The following HES4 variants were observed in gnomAD, a reference collection of about 807,000 sequenced individuals.
HES4 encodes the protein transcription factor HES-4.
In HES4, 17 loss-of-function variants were observed where a neutral mutation model predicts 10.7. The observed-to-expected ratio is 1.59, with a 90% CI of 1.09 to 2.38. HES4 has a LOEUF of 2.38. Ranked by LOEUF, HES4 falls within the 30% of genes most tolerant of loss-of-function variation. The probability of loss-of-function intolerance (pLI) is 0.00; values close to 1 mark genes in which losing one functional copy is unlikely to be tolerated. For missense variants in HES4, 389 were observed against 332.1 expected (o/e 1.17, Z -1.33); for synonymous variants, 189 against 159.7 (o/e 1.18, Z -1.38).
At position 999,993 on chromosome 1, in the gene HES4, C is replaced by A; in HGVS notation, c.-20G>T. The A allele has an allele frequency of 1.5e-6, 2 of 1,367,770 alleles. No homozygotes were observed. Among genetic ancestry groups the A allele is most frequent in the South Asian group, 1.7e-5 (1 of 59,204 alleles). 84.7% of individuals were successfully genotyped at this position (1,367,770 alleles called of 1,614,324 possible). On this transcript the variant is annotated 5_prime_UTR_variant, in exon 1 of 4. Coordinates refer to ENST00000304952, the MANE Select transcript of HES4 (RefSeq NM_021170.4). ...GGCCATGGTGCGCCCCGCGCCTCCC[C>A]GTGCCGGGTGGAGCGCGCCGCCACG...
chr1:1,000,045 G>C lies in HES4; in HGVS notation c.-72C>G. The C allele has an allele frequency of 3.4e-6, 4 of 1,173,072 alleles. No individual in the cohort carries two copies. Among genetic ancestry groups the C allele is most frequent in the Non-Finnish European group, 4.2e-6 (4 of 948,966 alleles). 72.7% of individuals were successfully genotyped at this position (1,173,072 alleles called of 1,614,324 possible). Reference sequence around the variant, plus strand: ...ACCACGGGCGGGCTGGCGGGCGAGCGGCGAGCGCGCGGCGATCCGAGCCCC... The same window carrying C: ...ACCACGGGCGGGCTGGCGGGCGAGCCGCGAGCGCGCGGCGATCCGAGCCCC... On this transcript the variant is annotated 5_prime_UTR_variant, in exon 1 of 4. Transcript: ENST00000304952.
At position 999,373 on chromosome 1, in the gene HES4, G is replaced by T; in HGVS notation, c.352C>A (p.Leu118Met). The T allele has an allele frequency of 6.7e-7, 1 of 1,500,430 alleles. No homozygotes were observed. Among genetic ancestry groups the T allele is most frequent in the Non-Finnish European group, 8.8e-7 (1 of 1,136,928 alleles). 92.9% of individuals were successfully genotyped at this position (1,500,430 alleles called of 1,614,324 possible). The change falls in exon 4 of 4, where the codon CTG (leucine) becomes ATG (methionine). Residue 118 changes from leucine (L) to methionine (M), a missense_variant. By Grantham distance (15) the Leu-to-Met change is conservative. Transcript: ENST00000304952. Reference protein sequence around the residue: ...GKYRAGFHECLAEVNRFLAGC... With the variant: ...GKYRAGFHECMAEVNRFLAGC... ...GCCAGGAAGCGGTTCACCTCCGCCA[G>T]ACACTCGTGGAAGCCGGCGCGGTAC...
chr1:999,275 C>T lies in HES4; in HGVS notation c.450G>A (p.Leu150=). 1 of 1,451,558 alleles carries T rather than the reference C, an allele frequency of 6.9e-7. No individual in the cohort carries two copies. The highest frequency in any genetic ancestry group is 1.5e-5 in the African/African-American group (1 of 67,892). 89.9% of individuals were successfully genotyped at this position (1,451,558 alleles called of 1,614,324 possible). The change falls in exon 4 of 4, where the codon CTG becomes CTA. Residue 150 remains leucine (L), a synonymous_variant. Transcript: ENST00000304952. The stretch of plus-strand genomic sequence containing the variant: ...GCGAGGCCGGGCGGCGGGAGGGTCC[C>T]AGCTGGCGCAGGCAGGCTGCCAGGT... ...LGHLAACLRQ[L]GPSRRPASLS...
chr1:999,144 A>G lies in HES4; in HGVS notation c.581T>C (p.Leu194Pro). 8.1e-7 allele frequency: 1 copy of G among 1,230,194 alleles called. No individual in the cohort carries two copies. Among genetic ancestry groups the G allele is most frequent in the East Asian group, 3.3e-5 (1 of 29,984 alleles). The allele number at this position is 1,230,194 out of a possible 1,614,324, so 76.2% of individuals were successfully genotyped here. A position where few individuals can be genotyped will look rare whatever the true frequency, so the allele number is the denominator to read the frequency against. Residue 194 changes from leucine (L) to proline (P), a missense_variant, in exon 4 of 4, where the codon CTG becomes CCG. Coordinates refer to ENST00000304952, the MANE Select transcript of HES4 (RefSeq NM_021170.4). ...GGGCAGCGCCCGGGTCAGACCCGGC[A>G]GCAGCGGCGGCGCGAGCAGAGGGAA... is the stretch of plus-strand genomic sequence containing the variant. ...GPFPLLAPPL[L>P]PGLTRALPAA...
intron 3 of HES4, 41 bp downstream of exon 3, chr1:999,485 G>C: frequency 6.4e-7 from 1 of 1,559,080 alleles, no homozygotes; most frequent in East Asian, 2.4e-5. Context: ...GGGGTCCCGC[G>C]CCCTCCCCCC....
At chr1:999,825 C>A in intron 1 of HES4, 38 bp from the exon 2 acceptor site, 1 of 1,603,360 alleles carries the variant, frequency 6.2e-7, no homozygotes, top group South Asian at 1.1e-5. Context: ...GCGTCCCTCC[C>A]GCCCCCCGGT....
Position 999,763 on chromosome 1 carries a change from G to C in HES4, c.133C>G (p.Arg45Gly), listed in dbSNP as rs766490059. 6.2e-7 allele frequency: 1 copy of C among 1,611,976 alleles called. No homozygotes were observed. The highest frequency in any genetic ancestry group is 1.7e-5 in the Admixed American group (1 of 59,962). ...RKSSKPVMEK[R>G]RRARINESLA... Reference sequence around the variant, plus strand: ...CTCTCGTTAATACGCGCTCGGCGCCGCTTCTCCATGACCGGCTTGGAGGAC... The same window carrying C: ...CTCTCGTTAATACGCGCTCGGCGCCCCTTCTCCATGACCGGCTTGGAGGAC... Residue 45 changes from arginine to glycine, a missense_variant, in exon 2 of 4, where the codon CGG becomes GGG. Transcript: ENST00000304952.
chr1:999,615 TG>T lies in HES4; in HGVS notation c.205-3del, dbSNP rs775175678. On this transcript the variant is annotated splice_region_variant and splice_polypyrimidine_tract_variant and intron_variant, in intron 2 of 3. Transcript: ENST00000304952. ...CTCCAGCTTCGAGTGGCGGGAGCTC[TG>T]GGGGCGGGGATAGGCGGGAGGTCCA... The T allele has an allele frequency of 3.8e-5, 61 of 1,606,788 alleles. No individual in the cohort carries two copies. The highest frequency in any genetic ancestry group is 3.3e-4 in the Middle Eastern group (2 of 6,036).
In HES4 at chr1:1,000,006, G is replaced by A. The variant is rs754902779; in HGVS notation, c.-33C>T. The A allele has an allele frequency of 5.7e-5, 76 of 1,338,826 alleles. 1 individual carries two copies. The South Asian group carries it at 1.4e-3, about 24-fold the overall frequency. 82.9% of individuals were successfully genotyped at this position (1,338,826 alleles called of 1,614,324 possible). A position where few individuals can be genotyped will look rare whatever the true frequency, so the allele number is the denominator to read the frequency against. On this transcript the variant is annotated 5_prime_UTR_variant, in exon 1 of 4. Coordinates refer to ENST00000304952, the MANE Select transcript of HES4 (RefSeq NM_021170.4). ...CCCGCGCCTCCCCGTGCCGGGTGGA[G>A]CGCGCCGCCACGGACCACGGGCGGG...
chr1:1,000,002 T>G lies in HES4; in HGVS notation c.-29A>C, dbSNP rs1475517466. ...GCGCCCCGCGCCTCCCCGTGCCGGG[T>G]GGAGCGCGCCGCCACGGACCACGGG... On this transcript the variant is annotated 5_prime_UTR_variant, in exon 1 of 4. Transcript: ENST00000304952. The G allele has an allele frequency of 2.7e-5, 37 of 1,345,966 alleles. No individual in the cohort carries two copies. Among genetic ancestry groups the G allele is most frequent in the South Asian group, 3.6e-5 (2 of 55,256 alleles). 83.4% of individuals were successfully genotyped at this position (1,345,966 alleles called of 1,614,324 possible).
Position 998,976 on chromosome 1 carries a change from T to TA in HES4, c.*82dup, listed in dbSNP as rs1409963751. 8.7e-7 allele frequency: 1 copy of TA among 1,149,004 alleles called. No homozygotes were observed. The highest frequency in any genetic ancestry group is 1.1e-6 in the Non-Finnish European group (1 of 902,178). 71.2% of individuals were successfully genotyped at this position (1,149,004 alleles called of 1,614,324 possible). A position where few individuals can be genotyped will look rare whatever the true frequency, so the allele number is the denominator to read the frequency against. On this transcript the variant is annotated 3_prime_UTR_variant, in exon 4 of 4. Transcript: ENST00000304952. ...GTGACGCAGACTCTGGAATAATAAATACGTTTTCTCTGCTACAGTCTCGGC... is the reference window on the plus strand; with the variant it reads ...GTGACGCAGACTCTGGAATAATAAATAACGTTTTCTCTGCTACAGTCTCGGC...
chr1:999,552 C>T lies in HES4; in HGVS notation c.266G>A (p.Arg89Gln), dbSNP rs1187967041. 13 of 1,605,374 alleles carry T rather than the reference C, an allele frequency of 8.1e-6. No homozygotes were observed. The highest frequency in any genetic ancestry group is 1.1e-5 in the South Asian group (1 of 90,138). ...CGTCACCTGCACGCGACGCAGGCTC[C>T]GCAGGTGTCTCACGGTCATCTCCAG... The part of the protein sequence containing the change: ...DILEMTVRHL[R>Q]SLRRVQVTAA... Residue 89 changes from arginine (R) to glutamine (Q), a missense_variant, in exon 3 of 4, where the codon CGG becomes CAG. Transcript: ENST00000304952.
chr1:999,341 G>T lies in HES4; in HGVS notation c.384C>A (p.Cys128Ter), dbSNP rs767592174. ...LAEVNRFLAGCEGVPADVRSR... is the reference protein window; with the variant it reads ...LAEVNRFLAG The stretch of plus-strand genomic sequence containing the variant: ...AGCGCACGTCGGCCGGGACGCCCTC[G>T]CAGCCGGCCAGGAAGCGGTTCACCT... The change falls in exon 4 of 4, where the codon TGC becomes TGA. Residue 128 changes from cysteine (C) to a stop codon, truncating the protein, a stop_gained. Coordinates refer to ENST00000304952, the MANE Select transcript of HES4 (RefSeq NM_021170.4). LOFTEE classifies it low-confidence loss of function (END_TRUNC). 5 of 1,482,636 alleles carry T rather than the reference G, an allele frequency of 3.4e-6. No homozygotes were observed. Among genetic ancestry groups the T allele is most frequent in the Admixed American group, 2.4e-5 (1 of 41,108 alleles). The allele number at this position is 1,482,636 out of a possible 1,614,324, so 91.8% of individuals were successfully genotyped here. A position where few individuals can be genotyped will look rare whatever the true frequency, so the allele number is the denominator to read the frequency against.
At position 999,141 on chromosome 1, in the gene HES4, G is replaced by A. The variant is rs781644697; in HGVS notation, c.584C>T (p.Pro195Leu). ...PFPLLAPPLLPGLTRALPAAP... is the reference protein window; with the variant it reads ...PFPLLAPPLLLGLTRALPAAP... The stretch of plus-strand genomic sequence containing the variant: ...GGCGGGCAGCGCCCGGGTCAGACCC[G>A]GCAGCAGCGGCGGCGCGAGCAGAGG... The change falls in exon 4 of 4, where the codon CCG becomes CTG. Residue 195 changes from proline to leucine, a missense_variant. Coordinates refer to ENST00000304952, the MANE Select transcript of HES4 (RefSeq NM_021170.4). 1 of 1,230,238 alleles carries A rather than the reference G, an allele frequency of 8.1e-7. No homozygotes were observed. The highest frequency in any genetic ancestry group is 1.0e-6 in the Non-Finnish European group (1 of 988,568). The allele number at this position is 1,230,238 out of a possible 1,614,324, so 76.2% of individuals were successfully genotyped here. A position where few individuals can be genotyped will look rare whatever the true frequency, so the allele number is the denominator to read the frequency against.
At position 999,174 on chromosome 1, in the gene HES4, C is replaced by T; in HGVS notation, c.551G>A (p.Gly184Asp). 1 of 1,254,232 alleles carries T rather than the reference C, an allele frequency of 8.0e-7. No individual in the cohort carries two copies. The highest frequency in any genetic ancestry group is 1.0e-6 in the Non-Finnish European group (1 of 1,003,084). 77.7% of individuals were successfully genotyped at this position (1,254,232 alleles called of 1,614,324 possible). Residue 184 changes from glycine to aspartate, a missense_variant, in exon 4 of 4, where the codon GGC (glycine) becomes GAC (aspartate). Transcript: ENST00000304952. ...AGRPLLPSLG[G>D]PFPLLAPPLL... Reference sequence around the variant, plus strand: ...CGGCGGCGCGAGCAGAGGGAAGGGGCCGCCGAGCGATGGCAGCAGCGGGCG... The same window carrying T: ...CGGCGGCGCGAGCAGAGGGAAGGGGTCGCCGAGCGATGGCAGCAGCGGGCG...
rs1643982698 is a variant in HES4, at chr1:999,185, T to C, written c.540A>G (p.Pro180=). ...PEVYAGRPLL[P]SLGGPFPLLA... is the part of the protein sequence containing the mutation. ...GCAGAGGGAAGGGGCCGCCGAGCGA[T>C]GGCAGCAGCGGGCGGCCCGCGTAGA... Residue 180 remains proline, a synonymous_variant, in exon 4 of 4, where the codon CCA becomes CCG. Transcript: ENST00000304952. 1 of 1,259,496 alleles carries C rather than the reference T, an allele frequency of 7.9e-7. No homozygotes were observed. Among genetic ancestry groups the C allele is most frequent in the South Asian group, 3.0e-5 (1 of 32,836 alleles). The allele number at this position is 1,259,496 out of a possible 1,614,324, so 78.0% of individuals were successfully genotyped here.
chr1:999,208 A>G lies in HES4; in HGVS notation c.517T>C (p.Tyr173His). The G allele has an allele frequency of 1.5e-6, 2 of 1,291,364 alleles. No individual in the cohort carries two copies. Among genetic ancestry groups the G allele is most frequent in the Non-Finnish European group, 2.0e-6 (2 of 1,025,070 alleles). 80.0% of individuals were successfully genotyped at this position (1,291,364 alleles called of 1,614,324 possible). The change falls in exon 4 of 4, where the codon TAC (tyrosine) becomes CAC (histidine). Residue 173 changes from tyrosine to histidine, a missense_variant. Tyr to His is a moderately conservative substitution (Grantham distance 83). Transcript: ENST00000304952. ...APAEAPAPEV[Y>H]AGRPLLPSLG... Reference sequence around the variant, plus strand: ...GATGGCAGCAGCGGGCGGCCCGCGTAGACCTCGGGCGCTGGGGCCTCTGCG... The same window carrying G: ...GATGGCAGCAGCGGGCGGCCCGCGTGGACCTCGGGCGCTGGGGCCTCTGCG...
In HES4 at chr1:999,450, G is replaced by A. The variant is rs755707870; in HGVS notation, c.293-18C>T. 5.2e-6 allele frequency: 8 copies of A among 1,550,328 alleles called. No homozygotes were observed. The highest frequency in any genetic ancestry group is 1.4e-5 in the African/African-American group (1 of 71,580). On this transcript the variant is annotated intron_variant, in intron 3 of 3. Coordinates refer to ENST00000304952, the MANE Select transcript of HES4 (RefSeq NM_021170.4). ...GAGCGCGGCTGCGGGAGCGACACAG[G>A]AGGAGAGGTCGGTGCCGGGTCCCGG...
chr1:1,000,093 C>A lies in HES4; in HGVS notation c.-120G>T. ...CCCTAGGGCGGATCCCGGCTCCAGGCCCGCGCGCGCCTCAGGCCGTTTCCC... is the reference window on the plus strand; with the variant it reads ...CCCTAGGGCGGATCCCGGCTCCAGGACCGCGCGCGCCTCAGGCCGTTTCCC... On this transcript the variant is annotated 5_prime_UTR_variant, in exon 1 of 4. Transcript: ENST00000304952. 1 of 817,910 alleles carries A rather than the reference C, an allele frequency of 1.2e-6. No individual in the cohort carries two copies. The highest frequency in any genetic ancestry group is 1.8e-5 in the African/African-American group (1 of 55,450). 50.7% of individuals were successfully genotyped at this position (817,910 alleles called of 1,614,324 possible). A position where few individuals can be genotyped will look rare whatever the true frequency, so the allele number is the denominator to read the frequency against.
Sources: allele counts gnomAD v4.1 joint callset, GRCh38; gene constraint gnomAD v4.1.1; transcripts MANE v1.5; gene names NCBI Gene and HGNC (gene_info 2026-07-23, HGNC 2026-07-21).